The following SLC2A9 variants were observed in gnomAD, a reference collection of about 807,000 sequenced individuals.
SLC2A9 encodes the protein solute carrier family 2, facilitated glucose transporter member 9.
In SLC2A9, 39 loss-of-function variants were observed where a neutral mutation model predicts 50.6. The ratio of observed to expected loss-of-function variants is 0.77; its 90% CI spans 0.60 to 1.01. The LOEUF (loss-of-function observed/expected upper bound fraction) is 1.01, where lower values mean the gene tolerates loss of function less well. Among genes scored for constraint, SLC2A9 ranks in the 50% least tolerant of loss-of-function variants. The pLI, the probability that SLC2A9 is intolerant of heterozygous loss-of-function variation, is 0.00. For synonymous variants in SLC2A9, 324 were observed against 276.9 expected, an observed-to-expected ratio of 1.17 and a Z score of -1.69; for missense variants, 686 against 677.6, an observed-to-expected ratio of 1.01 and a Z score of -0.14.
At chr4:9,784,773 G>A (rs929749813) in intron 3 of SLC2A9, among the ~76,000 whole-genome samples, 3 of 152,170 alleles carry the variant, frequency 2.0e-5, no homozygotes, top group African/African-American at 7.2e-5. Flanking sequence ...ACTATTAATG[G>A]AAGCAAATGA....
Position 9,904,762 on chromosome 4 carries a change from C to CTG in SLC2A9, c.1113+3471_1113+3472dup, listed in dbSNP as rs1366054981. Among the ~76,000 whole-genome samples the CTG allele has an allele frequency of 3.3e-5, 5 of 152,334 alleles. No individual in the cohort carries two copies. The East Asian group carries it at 9.6e-4, about 29-fold the overall frequency. ...GAGTAGCCTCATCCTAAAGCCAAAG[C>CTG]TGTTTCTCCCCAGAACATTTTTCTA... On this transcript the variant is annotated intron_variant, in intron 8 of 11. Coordinates refer to ENST00000264784, the MANE Select transcript of SLC2A9 (RefSeq NM_020041.3).
chr4:9,919,484 C>G (rs1300408199), intron 7 of SLC2A9, among the ~76,000 whole-genome samples: 7 of 152,246 alleles, frequency 4.6e-5, no homozygotes, highest in Admixed American at 1.3e-4. Flanking sequence ...TCCCTAGACA[C>G]CCCCAAACAC....
At position 9,896,752 on chromosome 4, in the gene SLC2A9, A is replaced by G. The variant is rs117867203; in HGVS notation, c.1114-6041T>C. Among the ~76,000 whole-genome samples, 575 of 152,266 alleles carry G rather than the reference A, an allele frequency of 3.8e-3. 5 individuals carry two copies. The highest frequency in any genetic ancestry group is 0.017 in the South Asian group (81 of 4,802). The stretch of plus-strand genomic sequence containing the variant: ...GGTCCATTTTGAGTTAATTTTTTGT[A>G]TGGTATAATAAGGGTTGCCATTCAC... On this transcript the variant is annotated intron_variant, in intron 8 of 11. Transcript: ENST00000264784.
Position 9,942,147 on chromosome 4 carries a change from T to C in SLC2A9, c.682-102A>G, listed in dbSNP as rs961957748. 6.7e-5 allele frequency: 93 copies of C among 1,396,884 alleles called. No homozygotes were observed. The Middle Eastern group carries it at 1.6e-3, about 24-fold the overall frequency. The allele number at this position is 1,396,884 out of a possible 1,614,324, so 86.5% of individuals were successfully genotyped here. ...GTTTCGACCCTGCAGAAGGTCTTCC[T>C]GCCCAGCATGATCCCCAGGAACAAA... On this transcript the variant is annotated intron_variant, in intron 5 of 11. Coordinates refer to ENST00000264784, the MANE Select transcript of SLC2A9 (RefSeq NM_020041.3).
chr4:9,811,486 T>G (rs1322418109), intron 3 of SLC2A9, among the ~76,000 whole-genome samples: 1 of 152,156 alleles, frequency 6.6e-6, no homozygotes, highest in Admixed American at 6.5e-5. Flanking sequence ...TAACACTTGG[T>G]CTAGGGACCA....
chr4:9,900,754 G>A (rs1463807160), intron 8 of SLC2A9, among the ~76,000 whole-genome samples: 1 of 152,138 alleles, frequency 6.6e-6, no homozygotes, highest in Non-Finnish European at 1.5e-5. Context: ...TGGTGGAAGG[G>A]GAAGCAAACT....
intron 8 of SLC2A9, among the ~76,000 whole-genome samples, chr4:9,907,110 T>G (rs1387328909): frequency 6.6e-6 from 1 of 151,962 alleles, no homozygotes; most frequent in Admixed American, 6.6e-5. Context: ...TGAGCAAGAG[T>G]GAAAATAAAT....
chr4:9,801,837 G>A (rs530960864), intron 3 of SLC2A9, among the ~76,000 whole-genome samples: 1 of 152,200 alleles, frequency 6.6e-6, no homozygotes, highest in Non-Finnish European at 1.5e-5. Context: ...TAGGGAGACC[G>A]GCCAAAGAGA....
chr4:9,781,990 T>C, intron 3 of SLC2A9: 4 of 1,410,862 alleles, frequency 2.8e-6, no homozygotes, highest in Non-Finnish European at 2.8e-6. Flanking sequence ...AGGGCTGAAG[T>C]TGGGACCGCG....
At chr4:9,813,437 G>A (rs1723142318) in intron 3 of SLC2A9, among the ~76,000 whole-genome samples, 1 of 152,166 alleles carries the variant, frequency 6.6e-6, no homozygotes, top group Admixed American at 6.5e-5. Context: ...CACTGGAGAT[G>A]CAGCTCACAT....
At chr4:9,912,999 T>C (rs1742125827) in intron 7 of SLC2A9, among the ~76,000 whole-genome samples, 1 of 152,202 alleles carries the variant, frequency 6.6e-6, no homozygotes, top group Admixed American at 6.5e-5. Context: ...GACTTGCAGA[T>C]GCAGAAAGGG....
At chr4:9,974,972 T>C (rs114470224) in intron 5 of SLC2A9, among the ~76,000 whole-genome samples, 2,936 of 152,324 alleles carry the variant, frequency 0.019, 39 homozygotes, top group Non-Finnish European at 0.031. Flanking sequence ...CCATCTGATC[T>C]TTGACAAAGT....
intron 1 of SLC2A9, among the ~76,000 whole-genome samples, chr4:10,038,522 A>AAG (rs1458459013): frequency 6.6e-6 from 1 of 151,370 alleles, no homozygotes; most frequent in East Asian, 1.9e-4. Context: ...AAAAAAAAAA[A>AAG]AAAAAAAAAA....
chr4:9,989,044 A>C (rs1349479014), intron 3 of SLC2A9, among the ~76,000 whole-genome samples: 1 of 152,238 alleles, frequency 6.6e-6, no homozygotes, highest in Non-Finnish European at 1.5e-5. Context: ...CTTTCCAGTA[A>C]ATCTTCAGCC....
chr4:9,866,565 C>T (rs905357299), intron 10 of SLC2A9, among the ~76,000 whole-genome samples: 3 of 152,278 alleles, frequency 2.0e-5, no homozygotes, highest in Middle Eastern at 3.4e-3. Flanking sequence ...AGTATTCACG[C>T]TCATGTCAGT....
intron 1 of SLC2A9, among the ~76,000 whole-genome samples, chr4:10,030,548 TG>T (rs1763909310): frequency 6.6e-6 from 1 of 151,836 alleles, no homozygotes; most frequent in African/African-American, 2.4e-5. Flanking sequence ...TTGCTCAGGG[TG>T]GGGGTGATAG....
At chr4:9,783,749 T>C in intron 3 of SLC2A9, 2 of 320,206 alleles carry the variant, frequency 6.2e-6, no homozygotes, top group Non-Finnish European at 6.0e-6. Flanking sequence ...AAATGATACT[T>C]GGTCCTTAAA....
downstream of SLC2A9, chr4:9,798,928 T>C (rs1720949340): frequency 6.6e-6 from 1 of 152,230 alleles, no homozygotes; most frequent in South Asian, 2.1e-4. Flanking sequence ...GCCTGGTGTA[T>C]GGCAGCTGGT....
At chr4:9,982,536 T>A (rs1398895270) in intron 4 of SLC2A9, among the ~76,000 whole-genome samples, 3 of 152,206 alleles carry the variant, frequency 2.0e-5, no homozygotes, top group South Asian at 4.1e-4. Flanking sequence ...AATTCAGAGA[T>A]CAATTAGTTA....
Sources: allele counts gnomAD v4.1 joint callset (sites outside exome capture counted in the v4.1 genomes callset), GRCh38; gene constraint gnomAD v4.1.1; transcripts MANE v1.5; gene names NCBI Gene and HGNC (gene_info 2026-07-23, HGNC 2026-07-21).